DOK6: variants seen among roughly 807,000 people sequenced by gnomAD.
The protein encoded by DOK6 is downstream of tyrosine kinase 6.
DOK6 carries 22 observed loss-of-function variants against 44.0 expected under a neutral mutation model. The observed-to-expected ratio is 0.50, with a 90% CI of 0.36 to 0.71. The LOEUF (loss-of-function observed/expected upper bound fraction) is 0.71, where lower values mean the gene tolerates loss of function less well. Ranked by LOEUF, DOK6 falls within the 30% of genes least tolerant of loss-of-function variation. The probability of loss-of-function intolerance (pLI) is 0.00; values close to 1 mark genes in which losing one functional copy is unlikely to be tolerated. For missense variants in DOK6, 340 were observed against 416.4 expected (o/e 0.82, Z 1.60); for synonymous variants, 166 against 145.5 (o/e 1.14, Z -1.01).
chr18:69,771,223 G>T (rs1979878230), intron 7 of DOK6, among the ~76,000 whole-genome samples: 1 of 151,496 alleles, frequency 6.6e-6, no homozygotes, highest in African/African-American at 2.4e-5. Context: ...TTTAAATATG[G>T]GTATAAATAC....
rs557028137 is a variant in DOK6 at position 69,468,404 on chromosome 18, C to G, written c.66+67094C>G. 1.4e-4 allele frequency among the ~76,000 whole-genome samples: 21 copies of G among 152,276 alleles called. No individual in the cohort carries two copies. The South Asian group carries it at 4.3e-3, about 32-fold the overall frequency. On this transcript the variant is annotated intron_variant, in intron 1 of 7. Transcript: ENST00000382713. ...ATATGTGCCCCATAAATATGTGTAACTATTATGTACCCCTATAAATTAAAA... is the reference window on the plus strand; with the variant it reads ...ATATGTGCCCCATAAATATGTGTAAGTATTATGTACCCCTATAAATTAAAA...
intron 1 of DOK6, among the ~76,000 whole-genome samples, chr18:69,543,786 A>G (rs1482849536): frequency 6.6e-6 from 1 of 151,502 alleles, no homozygotes; most frequent in African/African-American, 2.4e-5. Flanking sequence ...TGTTTTGTGG[A>G]TGAGATTAAT....
intron 7 of DOK6, among the ~76,000 whole-genome samples, chr18:69,799,006 C>T (rs1436243024): frequency 3.3e-5 from 5 of 151,882 alleles, no homozygotes; most frequent in African/African-American, 4.8e-5. Flanking sequence ...AACTAAAAAT[C>T]GTTTTAGCAA....
At chr18:69,774,133 G>GATATATATATATATATATATAT (rs111360276) in intron 7 of DOK6, among the ~76,000 whole-genome samples, 2,807 of 66,432 alleles carry the variant, frequency 0.042, 308 homozygotes, top group East Asian at 0.089. Flanking sequence ...ATATATATGA[G>GATATATATATATATATATATAT]ATATATATAT....
rs141975800 is a variant in DOK6, at chr18:69,558,380, A to G, written c.67-6107A>G. On this transcript the variant is annotated intron_variant, in intron 1 of 7. Coordinates refer to ENST00000382713, the MANE Select transcript of DOK6 (RefSeq NM_152721.6). ...ATGACACTTGCAAATTCTCCACTCC[A>G]GTGCCCTTTTTATTTTACTCCTATT... Among the ~76,000 whole-genome samples, 605 of 152,276 alleles carry G rather than the reference A, an allele frequency of 4.0e-3. 3 individuals carry two copies. The highest frequency in any genetic ancestry group is 0.014 in the African/African-American group (564 of 41,562).
chr18:69,517,752 T>C (rs1403287187), intron 1 of DOK6, among the ~76,000 whole-genome samples: 1 of 150,556 alleles, frequency 6.6e-6, no homozygotes, highest in Non-Finnish European at 1.5e-5. Context: ...TAATTTCCCA[T>C]AACCTTTTCT....
intron 6 of DOK6, among the ~76,000 whole-genome samples, chr18:69,756,537 A>G (rs952711055): frequency 6.6e-6 from 1 of 152,220 alleles, no homozygotes; most frequent in African/African-American, 2.4e-5. Flanking sequence ...AAGAAAGTAA[A>G]ATGAAATAAG....
In DOK6 at chr18:69,539,801, A is replaced by G. The variant is rs201171358; in HGVS notation, c.67-24686A>G. ...TTTTAGAATGTGGGAATGATGGTTC[A>G]AAGTCACATGTATGCAATTTTGATA... On this transcript the variant is annotated intron_variant, in intron 1 of 7. Transcript: ENST00000382713. 2.6e-5 allele frequency among the ~76,000 whole-genome samples: 4 copies of G among 152,188 alleles called. No individual in the cohort carries two copies. In the East Asian group the frequency reaches 7.7e-4, roughly 29 times the overall value.
intron 2 of DOK6, among the ~76,000 whole-genome samples, chr18:69,588,935 A>G (rs1163961111): frequency 1.3e-5 from 2 of 152,158 alleles, no homozygotes; most frequent in African/African-American, 4.8e-5. Flanking sequence ...GTGGTGAGCC[A>G]TGGGAGAATT....
chr18:69,828,577 T>C (rs1981808913), intron 7 of DOK6, among the ~76,000 whole-genome samples: 2 of 151,818 alleles, frequency 1.3e-5, no homozygotes, highest in South Asian at 4.2e-4. Context: ...ATTTATAAAA[T>C]AGCTATGAAA....
intron 1 of DOK6, among the ~76,000 whole-genome samples, chr18:69,404,028 A>C (rs1030341846): frequency 5.9e-5 from 9 of 152,222 alleles, no homozygotes; most frequent in Non-Finnish European, 1.2e-4. Context: ...TAGATATTTG[A>C]TTTATTATGG....
At chr18:69,808,570 T>C (rs1981123848) in intron 7 of DOK6, among the ~76,000 whole-genome samples, 1 of 151,542 alleles carries the variant, frequency 6.6e-6, no homozygotes, top group South Asian at 2.1e-4. Context: ...GAGACTCAAG[T>C]AAATAAAATG....
intron 6 of DOK6, among the ~76,000 whole-genome samples, chr18:69,755,579 G>A (rs572277726): frequency 3.3e-5 from 5 of 152,288 alleles, no homozygotes; most frequent in Admixed American, 1.3e-4. Context: ...CTTTAAAGAC[G>A]AAAGTCCTAT....
At chr18:69,787,780 A>G (rs1328748097) in intron 7 of DOK6, among the ~76,000 whole-genome samples, 1 of 152,226 alleles carries the variant, frequency 6.6e-6, no homozygotes, top group East Asian at 1.9e-4. Flanking sequence ...GTGCTTCTCT[A>G]GAGCCTGGGA....
At chr18:69,432,492 A>G (rs1437956461) in intron 1 of DOK6, among the ~76,000 whole-genome samples, 1 of 152,204 alleles carries the variant, frequency 6.6e-6, no homozygotes, top group African/African-American at 2.4e-5. Flanking sequence ...AAATGTGTAA[A>G]AAATGTGAAA....
chr18:69,757,616 G>A, intron 6 of DOK6, 140 bp from the exon 7 acceptor site: 1 of 668,480 alleles, frequency 1.5e-6, no homozygotes, highest in Non-Finnish European at 2.6e-6. Context: ...TACTTTAAAA[G>A]TTATCCTTAC....
intron 1 of DOK6, among the ~76,000 whole-genome samples, chr18:69,452,161 G>A (rs1233503588): frequency 5.9e-5 from 9 of 151,926 alleles, no homozygotes; most frequent in Non-Finnish European, 8.8e-5. Flanking sequence ...TTGATAGATC[G>A]CTAGCAAGAC....
At chr18:69,766,647 A>G (rs1979725555) in intron 7 of DOK6, among the ~76,000 whole-genome samples, 1 of 152,196 alleles carries the variant, frequency 6.6e-6, no homozygotes, top group Non-Finnish European at 1.5e-5. Context: ...GTGGAGGTAG[A>G]TCATTAAATT....
At position 69,412,682 on chromosome 18, in the gene DOK6, A is replaced by G. The variant is rs559155160; in HGVS notation, c.66+11372A>G. On this transcript the variant is annotated intron_variant, in intron 1 of 7. Coordinates refer to ENST00000382713, the MANE Select transcript of DOK6 (RefSeq NM_152721.6). ...AAAAAATAAAATAAAATAAATGTCTATATCGGCTACTTGTCATTTCTTTAT... is the reference window on the plus strand; with the variant it reads ...AAAAAATAAAATAAAATAAATGTCTGTATCGGCTACTTGTCATTTCTTTAT... Among the ~76,000 whole-genome samples the G allele has an allele frequency of 2.2e-4, 34 of 152,296 alleles. 1 individual carries two copies. The highest frequency in any genetic ancestry group is 1.2e-4 in the Non-Finnish European group (8 of 68,016).
Sources: allele counts gnomAD v4.1 joint callset (sites outside exome capture counted in the v4.1 genomes callset), GRCh38; gene constraint gnomAD v4.1.1; transcripts MANE v1.5; gene names NCBI Gene and HGNC (gene_info 2026-07-23, HGNC 2026-07-21).